SNX30: variants seen among roughly 807,000 people sequenced by gnomAD.
SNX30 encodes the protein sorting nexin-30.
A neutral mutation model predicts 46.4 loss-of-function variants in SNX30; 24 were observed. The ratio of observed to expected loss-of-function variants is 0.52; its 90% confidence interval spans 0.37 to 0.73. The LOEUF (loss-of-function observed/expected upper bound fraction) is 0.73, where lower values mean the gene tolerates loss of function less well. Ranked by LOEUF, SNX30 falls within the 30% of genes least tolerant of loss-of-function variation. The pLI is 0.00. For missense variants in SNX30, 533 were observed against 555.7 expected (o/e 0.96, Z 0.41); for synonymous variants, 189 against 211.5 (o/e 0.89, Z 0.92).
At chr9:112,786,822 T>TTTTTTTTTTTTTTTAAA (rs1409714021) in intron 1 of SNX30, among the ~76,000 whole-genome samples, 1 of 152,130 alleles carries the variant, frequency 6.6e-6, no homozygotes, top group Non-Finnish European at 1.5e-5. Context: ...CTTTTTAAAA[T>TTTTTTTTTTTTTTTAAA]TTTCTTTACC....
At chr9:112,758,437 C>G (rs976753624) in intron 1 of SNX30, among the ~76,000 whole-genome samples, 3 of 152,164 alleles carry the variant, frequency 2.0e-5, no homozygotes, top group African/African-American at 7.2e-5. Flanking sequence ...TCAAGAGATT[C>G]TCCTGCCTCA....
intron 6 of SNX30, among the ~76,000 whole-genome samples, chr9:112,839,222 A>G (rs1840816689): frequency 1.3e-5 from 2 of 152,256 alleles, no homozygotes. Context: ...AGGGAAGGAA[A>G]TTGTAAAAGA....
rs34992498 is a variant in SNX30 at position 112,809,091 on chromosome 9, CTTT to C, written c.348+4137_348+4139del. ...TTGCCCAAAAGACATGATTTTCTTT[CTTT>C]TTTTTTTTTTTTGACAGAGTCTTGC... On this transcript the variant is annotated intron_variant, in intron 2 of 8. Transcript: ENST00000374232. Among the ~76,000 whole-genome samples, 569 of 144,340 alleles carry C rather than the reference CTTT, an allele frequency of 3.9e-3. 1 individual carries two copies. Among genetic ancestry groups the C allele is most frequent in the African/African-American group, 6.6e-3 (259 of 39,330 alleles). The allele number at this position is 144,340 out of a possible 152,430, so 94.7% of individuals were successfully genotyped here. A position where few individuals can be genotyped will look rare whatever the true frequency, so the allele number is the denominator to read the frequency against.
intron 1 of SNX30, among the ~76,000 whole-genome samples, chr9:112,804,025 C>G (rs1226081901): frequency 7.0e-6 from 1 of 143,414 alleles, no homozygotes; most frequent in Non-Finnish European, 1.5e-5. Flanking sequence ...CACTGGCCTG[C>G]GCCCACTGTC....
chr9:112,762,134 T>A (rs1839445488), intron 1 of SNX30, among the ~76,000 whole-genome samples: 1 of 152,178 alleles, frequency 6.6e-6, no homozygotes, highest in Non-Finnish European at 1.5e-5. Flanking sequence ...ATTAGAGGAC[T>A]CATATGCTGT....
intron 4 of SNX30, among the ~76,000 whole-genome samples, chr9:112,833,146 C>T (rs1840696068): frequency 6.6e-6 from 1 of 152,098 alleles, no homozygotes; most frequent in South Asian, 2.1e-4. Flanking sequence ...ATCTTCAGAA[C>T]GTTTGCATCT....
intron 2 of SNX30, among the ~76,000 whole-genome samples, chr9:112,810,332 C>T (rs1467570595): frequency 6.6e-6 from 1 of 151,970 alleles, no homozygotes; most frequent in African/African-American, 2.4e-5. Flanking sequence ...TTTTGTTTCT[C>T]CTCTAGCAGT....
At chr9:112,855,605 G>C (rs1286250691) in intron 7 of SNX30, among the ~76,000 whole-genome samples, 4 of 152,192 alleles carry the variant, frequency 2.6e-5, no homozygotes, top group African/African-American at 9.7e-5. Flanking sequence ...AGGACGTCTT[G>C]TGGGGAAAGA....
intron 7 of SNX30, among the ~76,000 whole-genome samples, chr9:112,853,901 A>G (rs925095863): frequency 6.6e-6 from 1 of 152,246 alleles, no homozygotes; most frequent in African/African-American, 2.4e-5. Context: ...TTTATGTGTC[A>G]GTTAAATATT....
At chr9:112,751,291 C>T in intron 1 of SNX30, 134 bp downstream of exon 1, 2 of 1,142,604 alleles carry the variant, frequency 1.8e-6, no homozygotes, top group Non-Finnish European at 2.3e-6. Context: ...GTGTCCTGGC[C>T]CCGGAGCCCT....
intron 2 of SNX30, among the ~76,000 whole-genome samples, chr9:112,808,180 T>C (rs1024189495): frequency 2.6e-5 from 4 of 152,240 alleles, no homozygotes; most frequent in African/African-American, 9.6e-5. Flanking sequence ...TCCCAACACC[T>C]GACCCTGTCC....
At chr9:112,770,105 C>T (rs149566277) in intron 1 of SNX30, among the ~76,000 whole-genome samples, 6 of 152,196 alleles carry the variant, frequency 3.9e-5, no homozygotes, top group South Asian at 2.1e-4. Flanking sequence ...AGGCAGCAAC[C>T]GGAGGGATTA....
intron 2 of SNX30, among the ~76,000 whole-genome samples, chr9:112,814,863 T>C (rs545081188): frequency 6.6e-6 from 1 of 152,212 alleles, no homozygotes; most frequent in Non-Finnish European, 1.5e-5. Context: ...AAAAGTATTG[T>C]TTATTGATGG....
chr9:112,806,486 C>T (rs552516512), intron 2 of SNX30, among the ~76,000 whole-genome samples: 17 of 151,962 alleles, frequency 1.1e-4, no homozygotes, highest in African/African-American at 3.6e-4. Flanking sequence ...CTCTGATGAG[C>T]GTGTCCCTCG....
chr9:112,789,266 T>C (rs1839981553), intron 1 of SNX30, among the ~76,000 whole-genome samples: 1 of 152,194 alleles, frequency 6.6e-6, no homozygotes, highest in East Asian at 1.9e-4. Context: ...TCTTAGTTAT[T>C]GTTAGGAACA....
intron 1 of SNX30, among the ~76,000 whole-genome samples, chr9:112,783,999 G>C (rs537185306): frequency 1.1e-4 from 16 of 152,278 alleles, no homozygotes; most frequent in African/African-American, 3.6e-4. Context: ...ATGGCACACA[G>C]GGCTGTTGAA....
rs745735393 is a variant in SNX30 at position 112,869,337 on chromosome 9, T to C, written c.*494T>C. On this transcript the variant is annotated 3_prime_UTR_variant, in exon 9 of 9. Coordinates refer to ENST00000374232, the MANE Select transcript of SNX30 (RefSeq NM_001012994.2). ...TTGACTCGTCTTGGCCTAGGAGGCA[T>C]TGGTGCCTCCCTGGCAAGTCCTTAA... 5.6e-6 allele frequency: 1 copy of C among 179,584 alleles called. No homozygotes were observed. Among genetic ancestry groups the C allele is most frequent in the Non-Finnish European group, 1.2e-5 (1 of 83,296 alleles). The allele number at this position is 179,584 out of a possible 1,614,324, so 11.1% of individuals were successfully genotyped here.
chr9:112,876,703 G>A (rs780143019), downstream of SNX30, among the ~76,000 whole-genome samples: 1 of 151,882 alleles, frequency 6.6e-6, no homozygotes, highest in South Asian at 2.1e-4. Context: ...TTGGGAGGTC[G>A]AGGCAGGTGG....
At chr9:112,840,578 TG>T (rs2131463548) in intron 6 of SNX30, among the ~76,000 whole-genome samples, 1 of 150,892 alleles carries the variant, frequency 6.6e-6, no homozygotes, top group South Asian at 2.1e-4. Flanking sequence ...CTCTGCCTCC[TG>T]GGTTCAAGTG....
Sources: allele counts gnomAD v4.1 joint callset (sites outside exome capture counted in the v4.1 genomes callset), GRCh38; gene constraint gnomAD v4.1.1; transcripts MANE v1.5; gene names NCBI Gene and HGNC (gene_info 2026-07-23, HGNC 2026-07-21).